Variants in VPS39 observed in about 807,000 individuals in gnomAD.
The protein encoded by VPS39 is VPS39 subunit of HOPS complex, also known as vam6/Vps39-like protein.
A neutral mutation model predicts 121.0 loss-of-function variants in VPS39; 70 were observed. The observed-to-expected ratio is 0.58, with a 90% CI of 0.48 to 0.71. The LOEUF is 0.71. VPS39 is among the 30% of genes least tolerant of loss of function. The probability of loss-of-function intolerance (pLI) is 0.00; values close to 1 mark genes in which losing one functional copy is unlikely to be tolerated. For synonymous variants in VPS39, 378 were observed against 398.1 expected, an observed-to-expected ratio of 0.95 and a Z score of 0.60; for missense variants, 818 against 1,051.5, an observed-to-expected ratio of 0.78 and a Z score of 3.07.
intron 14 of VPS39, 25 bp downstream of exon 14, chr15:42,166,747 C>A (rs1477713552): frequency 6.2e-7 from 1 of 1,613,290 alleles, no homozygotes; most frequent in East Asian, 2.2e-5. Flanking sequence ...GAGCCCCTCC[C>A]AGATCCAAGG....
Position 42,162,384 on chromosome 15 carries a change from T to C in VPS39, c.2273A>G (p.Gln758Arg). Residue 758 changes from glutamine to arginine, a missense_variant, in exon 22 of 25, where the codon CAG becomes CGG. By Grantham distance (43) the Gln-to-Arg change is conservative. Coordinates refer to ENST00000318006, the MANE Select transcript of VPS39 (RefSeq NM_015289.5). ...TAGCTCGAGGACCTGCAGAGCGGCC[T>C]GGAGGTTGGCTTTTGGCTCCAGTAG... ...LELLEPKANL[Q>R]AALQVLELHH... 1 of 1,613,798 alleles carries C rather than the reference T, an allele frequency of 6.2e-7. No homozygotes were observed. The highest frequency in any genetic ancestry group is 8.5e-7 in the Non-Finnish European group (1 of 1,179,910).
intron 8 of VPS39, among the ~76,000 whole-genome samples, chr15:42,183,571 G>C (rs565708341): frequency 9.3e-4 from 142 of 152,106 alleles, no homozygotes; most frequent in African/African-American, 3.3e-3. Context: ...GTCTTTCTTT[G>C]GACTTCTACT....
At chr15:42,205,746 C>CA (rs2050156362) in intron 1 of VPS39, among the ~76,000 whole-genome samples, 1 of 152,066 alleles carries the variant, frequency 6.6e-6, no homozygotes, top group South Asian at 2.1e-4. Context: ...GGCACACTGG[C>CA]AAATATAGGG....
intron 12 of VPS39, among the ~76,000 whole-genome samples, 190 bp from the exon 13 acceptor site, chr15:42,167,727 C>T (rs2049272856): frequency 6.6e-6 from 1 of 152,046 alleles, no homozygotes; most frequent in Non-Finnish European, 1.5e-5. Context: ...TTACTACAGA[C>T]CAGGCACCAT....
Position 42,169,724 on chromosome 15 carries a change from C to T in VPS39, c.1233G>A (p.Gln411=). Residue 411 remains glutamine, a splice_region_variant and synonymous_variant, in exon 12 of 25, where the codon CAG becomes CAA. Transcript: ENST00000318006. The part of the protein sequence containing the change: ...AHLALIDYLT[Q]KRSQLVKKLN... ...TTCACGCACTCTGTACTATACCTACCTGTGTCAGGTAGTCAATCAGAGCTA... is the reference window on the plus strand; with the variant it reads ...TTCACGCACTCTGTACTATACCTACTTGTGTCAGGTAGTCAATCAGAGCTA... The T allele has an allele frequency of 6.2e-7, 1 of 1,613,794 alleles. No homozygotes were observed. Among genetic ancestry groups the T allele is most frequent in the African/African-American group, 1.3e-5 (1 of 75,022 alleles).
chr15:42,192,775 T>C (rs1217586196), intron 2 of VPS39, among the ~76,000 whole-genome samples: 1 of 146,990 alleles, frequency 6.8e-6, no homozygotes, highest in African/African-American at 2.6e-5. Flanking sequence ...TTTTTTTGTT[T>C]TGTTTTGTTT....
chr15:42,162,067 C>T lies in VPS39; in HGVS notation c.2425G>A (p.Val809Met). Residue 809 changes from valine to methionine, a missense_variant, in exon 23 of 25, where the codon GTG becomes ATG. Coordinates refer to ENST00000318006, the MANE Select transcript of VPS39 (RefSeq NM_015289.5). ...TCTGCATGGAGAAGGTTCTTGAGCACTTGATTGAACCGTTTCTTTTGTGCA... is the reference window on the plus strand; with the variant it reads ...TCTGCATGGAGAAGGTTCTTGAGCATTTGATTGAACCGTTTCTTTTGTGCA... ...ENAQKKRFNQ[V>M]LKNLLHAEFL... The T allele has an allele frequency of 4.3e-6, 7 of 1,614,200 alleles. No individual in the cohort carries two copies. The highest frequency in any genetic ancestry group is 5.9e-6 in the Non-Finnish European group (7 of 1,180,034).
chr15:42,163,274 ATAT>A (rs2049173486), intron 21 of VPS39, 73 bp downstream of exon 21: 1 of 1,553,880 alleles, frequency 6.4e-7, no homozygotes, highest in Non-Finnish European at 8.9e-7. Context: ...TCTGCCACTC[ATAT>A]TATTGCCACC....
intron 2 of VPS39, chr15:42,192,222 C>T (rs2049843506): frequency 3.3e-6 from 3 of 915,332 alleles, no homozygotes; most frequent in Non-Finnish European, 5.1e-6. Context: ...TAATTATCAT[C>T]ATCATCATCA....
At chr15:42,189,819 T>TTTTTTAGGCC (rs376361986) in intron 4 of VPS39, among the ~76,000 whole-genome samples, 1 of 82,706 alleles carries the variant, frequency 1.2e-5, no homozygotes. Context: ...TTTTTTTTTT[T>TTTTTTAGGCC]TGAGGCACGG....
At position 42,187,402 on chromosome 15, in the gene VPS39, T is replaced by A. The variant is rs779062857; in HGVS notation, c.442-39A>T. On this transcript the variant is annotated intron_variant, in intron 6 of 24. Transcript: ENST00000318006. ...GCAAGGATCTGAATGAAATAAATAT[T>A]TTTTTAAAAAATCATGACTTTCCTG... 2.6e-6 allele frequency: 4 copies of A among 1,552,828 alleles called. No homozygotes were observed. In the African/African-American group the frequency reaches 5.6e-5, roughly 22 times the overall value.
At chr15:42,166,419 G>A in intron 15 of VPS39, 144 bp downstream of exon 15, 1 of 1,150,474 alleles carries the variant, frequency 8.7e-7, no homozygotes, top group South Asian at 1.5e-5. Context: ...AACCACCGAG[G>A]GACTTTTATG....
chr15:42,195,901 C>T (rs564166169), intron 2 of VPS39, among the ~76,000 whole-genome samples: 30 of 152,282 alleles, frequency 2.0e-4, no homozygotes, highest in Non-Finnish European at 3.2e-4. Context: ...GGAGGCGTCA[C>T]GCTGCCTGAC....
chr15:42,178,345 G>A lies in VPS39; in HGVS notation c.840-7C>T, dbSNP rs2049500729. 1 of 1,614,152 alleles carries A rather than the reference G, an allele frequency of 6.2e-7. No homozygotes were observed. Among genetic ancestry groups the A allele is most frequent in the South Asian group, 1.1e-5 (1 of 91,088 alleles). On this transcript the variant is annotated splice_region_variant and splice_polypyrimidine_tract_variant and intron_variant, in intron 9 of 24. Transcript: ENST00000318006. ...CACATAGATAATGTTTGATCTGGAA[G>A]CAAGAGTAAGAATATTAGCAAAAGA...
intron 2 of VPS39, among the ~76,000 whole-genome samples, chr15:42,193,463 G>A (rs1014834358): frequency 6.6e-6 from 1 of 152,122 alleles, no homozygotes; most frequent in African/African-American, 2.4e-5. Context: ...GTAATTTCTT[G>A]TAAAGCGAAA....
At chr15:42,177,162 T>TAAAAAAAAAAAAAA in intron 10 of VPS39, among the ~76,000 whole-genome samples, 1 of 56,414 alleles carries the variant, frequency 1.8e-5, no homozygotes, top group Non-Finnish European at 3.6e-5. Context: ...GACCCTGTTT[T>TAAAAAAAAAAAAAA]AAAAAAAAAA....
intron 8 of VPS39, among the ~76,000 whole-genome samples, chr15:42,179,635 A>T (rs2677751): frequency 0.042 from 6,084 of 145,902 alleles, 306 homozygotes; most frequent in Admixed American, 0.1. Context: ...AATAAAAAAT[A>T]AAAAAAAAAG....
rs1034681114 is a variant in VPS39 at position 42,160,686 on chromosome 15, G to T, written c.*68C>A. ...GGTGGTGGCAGCCAGGATTCCTAAG[G>T]CCAGGTGCTCCTTCACCTCTCTGGG... On this transcript the variant is annotated 3_prime_UTR_variant, in exon 25 of 25. Coordinates refer to ENST00000318006, the MANE Select transcript of VPS39 (RefSeq NM_015289.5). 6.9e-7 allele frequency: 1 copy of T among 1,439,488 alleles called. No individual in the cohort carries two copies. The highest frequency in any genetic ancestry group is 9.8e-7 in the Non-Finnish European group (1 of 1,021,550). 89.2% of individuals were successfully genotyped at this position (1,439,488 alleles called of 1,614,324 possible).
At chr15:42,166,513 G>T in intron 15 of VPS39, 50 bp downstream of exon 15, 1 of 1,592,600 alleles carries the variant, frequency 6.3e-7, no homozygotes, top group Non-Finnish European at 8.6e-7. Context: ...AGGGAGACCA[G>T]GTCATTTGAA....
Sources: allele counts gnomAD v4.1 joint callset (sites outside exome capture counted in the v4.1 genomes callset), GRCh38; gene constraint gnomAD v4.1.1; transcripts MANE v1.5; gene names NCBI Gene and HGNC (gene_info 2026-07-23, HGNC 2026-07-21).